Variants in RBM33 observed in about 807,000 individuals in gnomAD.
RBM33 encodes RNA-binding protein 33.
A neutral mutation model predicts 132.6 loss-of-function variants in RBM33; 28 were observed. The ratio of observed to expected loss-of-function variants is 0.21; its 90% CI spans 0.16 to 0.29. RBM33 has a LOEUF of 0.29. Ranked by LOEUF, RBM33 falls within the 10% of genes least tolerant of loss-of-function variation. The pLI is 1.00. For synonymous variants in RBM33, 634 were observed against 593.0 expected (o/e 1.07, Z -1.01); for missense variants, 1,291 against 1,518.5 (o/e 0.85, Z 2.49).
Position 155,745,178 on chromosome 7 carries a change from C to T in RBM33, c.2555C>T (p.Pro852Leu). The T allele has an allele frequency of 1.2e-6, 2 of 1,610,596 alleles. No individual in the cohort carries two copies. The highest frequency in any genetic ancestry group is 1.7e-6 in the Non-Finnish European group (2 of 1,178,368). ...EQEEQALSPS[P>L]TNGNPLLPFP... ...GAAGAGCAGGCACTGTCACCATCAC[C>T]CACCAACGGTAACCCACTGTTGCCC... The change falls in exon 14 of 18, where the codon CCC becomes CTC. Residue 852 changes from proline to leucine, a missense_variant. Transcript: ENST00000401878. This position sits in a 1 kb window ranked among gnomAD's most constrained non-coding sequence, Gnocchi z 4.1.
In RBM33 at chr7:155,667,100, C is replaced by A. The variant is rs535828032; in HGVS notation, c.122+1847C>A. Reference sequence around the variant, plus strand: ...ATATGTAAAATTTTCTTTCCTGTACCATTTGACAGTAGGTTGCAGGTGTCA... The same window carrying A: ...ATATGTAAAATTTTCTTTCCTGTACAATTTGACAGTAGGTTGCAGGTGTCA... On this transcript the variant is annotated intron_variant, in intron 2 of 17. Coordinates refer to ENST00000401878, the MANE Select transcript of RBM33 (RefSeq NM_053043.3). 5.3e-5 allele frequency among the ~76,000 whole-genome samples: 8 copies of A among 152,200 alleles called. 1 individual carries two copies. Among genetic ancestry groups the A allele is most frequent in the Middle Eastern group, 6.8e-3 (2 of 294 alleles).
intron 1 of RBM33, among the ~76,000 whole-genome samples, chr7:155,661,147 T>TATATATATA (rs1491288954): frequency 4.3e-5 from 1 of 23,134 alleles, no homozygotes. Flanking sequence ...TATATATATA[T>TATATATATA]TTTTTTTTTT....
In RBM33 at chr7:155,778,759, G is replaced by GT. The variant is rs1802708515; in HGVS notation, c.*3722dup. On this transcript the variant is annotated 3_prime_UTR_variant, in exon 18 of 18. Coordinates refer to ENST00000401878, the MANE Select transcript of RBM33 (RefSeq NM_053043.3). The surrounding 1 kb of genome is among the most constrained non-coding windows in gnomAD (Gnocchi z 4.0). The stretch of plus-strand genomic sequence containing the variant: ...TTTTCTTTTGGCTTTTGTTGTTTTT[G>GT]TTTTGTTCTGTTTGTTTTGTTTTGT... The GT allele has an allele frequency of 6.6e-6, 1 of 152,392 alleles. No individual in the cohort carries two copies. Among genetic ancestry groups the GT allele is most frequent in the Admixed American group, 6.5e-5 (1 of 15,278 alleles). 9.4% of individuals were successfully genotyped at this position (152,392 alleles called of 1,614,324 possible).
chr7:155,666,865 TA>T (rs1798815757), intron 2 of RBM33, among the ~76,000 whole-genome samples: 1 of 152,224 alleles, frequency 6.6e-6, no homozygotes. Context: ...TTGAGAAGAA[TA>T]CAGTCAGATG....
At chr7:155,675,910 T>C (rs1799172352) in intron 3 of RBM33, among the ~76,000 whole-genome samples, 1 of 152,342 alleles carries the variant, frequency 6.6e-6, no homozygotes, top group South Asian at 2.1e-4. Context: ...TTAAAAAGAA[T>C]CTTTGTCAGT....
intron 1 of RBM33, among the ~76,000 whole-genome samples, chr7:155,655,279 C>T (rs1798460312): frequency 6.6e-6 from 1 of 152,076 alleles, no homozygotes; most frequent in Admixed American, 6.6e-5. Context: ...CTTTAAAATT[C>T]TTATTGCTGC....
intron 1 of RBM33, among the ~76,000 whole-genome samples, chr7:155,645,966 G>T (rs191349175): frequency 4.6e-5 from 7 of 152,188 alleles, no homozygotes; most frequent in Admixed American, 2.6e-4. Flanking sequence ...AATTTGGTTT[G>T]CTATATGCCA....
chr7:155,695,502 C>T (rs1314390409), intron 5 of RBM33, among the ~76,000 whole-genome samples: 1 of 152,164 alleles, frequency 6.6e-6, no homozygotes, highest in Non-Finnish European at 1.5e-5. Context: ...CTCTGGCGCC[C>T]AGGCTGGAGT....
At chr7:155,767,101 C>G (rs1482605512) in intron 16 of RBM33, among the ~76,000 whole-genome samples, 2 of 152,206 alleles carry the variant, frequency 1.3e-5, no homozygotes, top group African/African-American at 4.8e-5. Context: ...ATGACAGTAT[C>G]TTGGATTGTA....
intron 14 of RBM33, among the ~76,000 whole-genome samples, chr7:155,756,383 TA>T (rs1489573883): frequency 6.6e-6 from 1 of 152,238 alleles, no homozygotes; most frequent in Non-Finnish European, 1.5e-5. Flanking sequence ...AGTATAGGTA[TA>T]AAAATATGTA....
chr7:155,703,121 G>T (rs947764272), intron 6 of RBM33, among the ~76,000 whole-genome samples: 1 of 152,170 alleles, frequency 6.6e-6, no homozygotes, highest in Non-Finnish European at 1.5e-5. Flanking sequence ...TCCTTGTTCT[G>T]CAGTGATGGC....
rs1269263720 is a variant in RBM33 at position 155,780,872 on chromosome 7, CTGT to C, written c.*5836_*5838del. ...GATTGGAGAGAGTAACTTTTTAATT[CTGT>C]TGTTTTGCAGTTTGGCTCTGTAGGA... On this transcript the variant is annotated 3_prime_UTR_variant, in exon 18 of 18. Transcript: ENST00000401878. 6.5e-6 allele frequency: 1 copy of C among 152,706 alleles called. No homozygotes were observed. The highest frequency in any genetic ancestry group is 2.4e-5 in the African/African-American group (1 of 41,450). 9.5% of individuals were successfully genotyped at this position (152,706 alleles called of 1,614,324 possible).
chr7:155,701,585 T>A (rs1799964841), intron 6 of RBM33: 1 of 152,314 alleles, frequency 6.6e-6, no homozygotes, highest in Non-Finnish European at 1.5e-5. Context: ...CAAATTTGAG[T>A]GAGCGTTAGA....
chr7:155,738,346 G>T lies in RBM33; in HGVS notation c.1680G>T (p.Pro560=), dbSNP rs373047958. The T allele has an allele frequency of 1.2e-6, 2 of 1,613,866 alleles. No individual in the cohort carries two copies. Among genetic ancestry groups the T allele is most frequent in the South Asian group, 1.1e-5 (1 of 91,070 alleles). Residue 560 remains proline (P), a synonymous_variant, in exon 11 of 18, where the codon CCG becomes CCT. Coordinates refer to ENST00000401878, the MANE Select transcript of RBM33 (RefSeq NM_053043.3). ...GGCCCTTCATTCCTCCTAGACAGCC[G>T]TTCCTGCCAGGCCCAGGACAGCCGT... ...TTRPFIPPRQ[P]FLPGPGQPFL...
chr7:155,744,945 A>G lies in RBM33; in HGVS notation c.2338-16A>G, dbSNP rs773896543. ...GCCTGTATAGCAAAGTAAACCGTGT[A>G]TGTTTTCCATTTTAGTTTCCTGATG... On this transcript the variant is annotated splice_polypyrimidine_tract_variant and intron_variant, in intron 13 of 17. Coordinates refer to ENST00000401878, the MANE Select transcript of RBM33 (RefSeq NM_053043.3). 4.5e-6 allele frequency: 7 copies of G among 1,539,652 alleles called. No homozygotes were observed. The highest frequency in any genetic ancestry group is 2.3e-5 in the East Asian group (1 of 44,388).
chr7:155,649,116 C>A (rs1218135355), intron 1 of RBM33, among the ~76,000 whole-genome samples: 1 of 152,152 alleles, frequency 6.6e-6, no homozygotes, highest in South Asian at 2.1e-4. Flanking sequence ...CCTTCTGGGA[C>A]TCCCATAATG....
At chr7:155,661,095 G>A (rs948978532) in intron 1 of RBM33, among the ~76,000 whole-genome samples, 2 of 134,256 alleles carry the variant, frequency 1.5e-5, no homozygotes, top group African/African-American at 5.8e-5. Context: ...GTGTGTGTGT[G>A]TGGTGTGTGT....
intron 12 of RBM33, among the ~76,000 whole-genome samples, chr7:155,741,003 G>A (rs1030601534): frequency 6.6e-6 from 1 of 152,162 alleles, no homozygotes; most frequent in Non-Finnish European, 1.5e-5. Context: ...ATGTCACTTA[G>A]CTGCTTGGAA....
chr7:155,655,531 T>A (rs926658383), intron 1 of RBM33, among the ~76,000 whole-genome samples: 71 of 130,756 alleles, frequency 5.4e-4, no homozygotes, highest in African/African-American at 1.9e-3. Flanking sequence ...TAAGGCTGTT[T>A]GCCTTTTTTT....
Sources: allele counts gnomAD v4.1 joint callset (sites outside exome capture counted in the v4.1 genomes callset), GRCh38; gene constraint gnomAD v4.1.1; non-coding constraint Gnocchi (gnomAD v3.1); transcripts MANE v1.5; gene names NCBI Gene and HGNC (gene_info 2026-07-23, HGNC 2026-07-21).